Variants in OR3A2 observed in about 807,000 individuals in gnomAD.
OR3A2 encodes the protein olfactory receptor 3A2.
For synonymous variants in OR3A2, 126 were observed against 159.3 expected (o/e 0.79, Z 1.57); for missense variants, 318 against 392.8 (o/e 0.81, Z 1.61).
intron 2 of OR3A2, among the ~76,000 whole-genome samples, chr17:3,338,984 A>G (rs537104519): frequency 6.6e-6 from 1 of 152,042 alleles, no homozygotes; most frequent in East Asian, 1.9e-4. Flanking sequence ...GTCCTTCACA[A>G]CCTTTGTAAG....
intron 2 of OR3A2, chr17:3,377,485 T>A (rs1467023117): frequency 6.6e-6 from 1 of 152,226 alleles, no homozygotes; most frequent in Non-Finnish European, 1.5e-5. Flanking sequence ...TCACTGAGAC[T>A]GTAAGTGGAA....
chr17:3,287,735 G>A (rs910150164), upstream of OR3A2, among the ~76,000 whole-genome samples: 7 of 152,028 alleles, frequency 4.6e-5, no homozygotes, highest in South Asian at 6.2e-4. Flanking sequence ...TTCTCTTGGC[G>A]AGGCTTGAAC....
intron 3 of OR3A2, chr17:3,310,920 G>A (rs1230977997): frequency 3.1e-6 from 2 of 654,208 alleles, no homozygotes; most frequent in African/African-American, 1.9e-5. Flanking sequence ...GTTGCTGTTT[G>A]TAGCAGCAGC....
intron 3 of OR3A2, among the ~76,000 whole-genome samples, chr17:3,317,390 C>T (rs766903265): frequency 6.6e-6 from 1 of 152,164 alleles, no homozygotes; most frequent in Non-Finnish European, 1.5e-5. Context: ...AGGTAGTTGT[C>T]CAGGCCAGAA....
At chr17:3,329,016 T>C (rs1567556557) in intron 3 of OR3A2, among the ~76,000 whole-genome samples, 3 of 151,206 alleles carry the variant, frequency 2.0e-5, no homozygotes, top group Non-Finnish European at 4.4e-5. Context: ...ATTACATTTA[T>C]TGATTTGCGT....
intron 2 of OR3A2, among the ~76,000 whole-genome samples, chr17:3,341,753 C>A (rs1053390233): frequency 6.6e-6 from 1 of 152,122 alleles, no homozygotes; most frequent in Admixed American, 6.5e-5. Context: ...TGGAGTTGCT[C>A]TTCTGGAGGA....
At chr17:3,349,116 G>A (rs576313886) in intron 2 of OR3A2, among the ~76,000 whole-genome samples, 20 of 152,036 alleles carry the variant, frequency 1.3e-4, no homozygotes, top group Non-Finnish European at 2.4e-4. Flanking sequence ...GGAAGAAACC[G>A]CATCAACTAA....
chr17:3,345,960 C>A (rs181809507), intron 2 of OR3A2, among the ~76,000 whole-genome samples: 1 of 152,080 alleles, frequency 6.6e-6, no homozygotes, highest in Non-Finnish European at 1.5e-5. Flanking sequence ...GGAGAAGGGG[C>A]GTGTCAGTTT....
chr17:3,386,266 T>TACCTCCTGGCGGCCATGTCCTACG lies in OR3A2; in HGVS notation c.-440_-417dup. ...CGTGGCTCTGGGCATCACCGAGAGC[T>TACCTCCTGGCGGCCATGTCCTACG]ACCTCCTGGCGGCCATGTCCTACGA... On this transcript the variant is annotated 5_prime_UTR_variant, in exon 1 of 5. It adds an upstream start codon to the 5' untranslated region. Coordinates refer to the OR3A2 transcript ENST00000573491. 1 of 398,766 alleles carries TACCTCCTGGCGGCCATGTCCTACG rather than the reference T, an allele frequency of 2.5e-6. No homozygotes were observed. The highest frequency in any genetic ancestry group is 4.4e-6 in the Non-Finnish European group (1 of 226,182). The allele number at this position is 398,766 out of a possible 1,614,324, so 24.7% of individuals were successfully genotyped here. A position where few individuals can be genotyped will look rare whatever the true frequency, so the allele number is the denominator to read the frequency against.
intron 2 of OR3A2, among the ~76,000 whole-genome samples, chr17:3,345,912 T>A (rs2049360411): frequency 1.3e-5 from 2 of 152,160 alleles, no homozygotes; most frequent in South Asian, 4.1e-4. Context: ...CACTAAGATC[T>A]GACAGAAGAG....
At position 3,311,448 on chromosome 17, in the gene OR3A2, C is replaced by T. The variant is rs914426781; in HGVS notation, c.-85+24585G>A. The T allele has an allele frequency of 1.3e-5, 6 of 461,764 alleles. No individual in the cohort carries two copies. Among genetic ancestry groups the T allele is most frequent in the Non-Finnish European group, 4.5e-6 (1 of 223,892 alleles). The allele number at this position is 461,764 out of a possible 1,614,324, so 28.6% of individuals were successfully genotyped here. A position where few individuals can be genotyped will look rare whatever the true frequency, so the allele number is the denominator to read the frequency against. ...CCCTGGTGGGAATTTGCTGCACTGT[C>T]TCCTTCATCAATGCTCTGACTCACA... On this transcript the variant is annotated intron_variant, in intron 3 of 4. Coordinates refer to the OR3A2 transcript ENST00000573491. The surrounding 1 kb of genome is among the most constrained non-coding windows in gnomAD (Gnocchi z 4.6).
At chr17:3,276,548 T>C (rs2048736487), downstream of OR3A2, among the ~76,000 whole-genome samples, 1 of 152,204 alleles carries the variant, frequency 6.6e-6, no homozygotes, top group Non-Finnish European at 1.5e-5. Context: ...AAAATAAATA[T>C]ATTTACACTG....
intron 2 of OR3A2, among the ~76,000 whole-genome samples, chr17:3,359,354 T>C (rs1009760481): frequency 4.6e-5 from 7 of 151,716 alleles, no homozygotes; most frequent in African/African-American, 1.7e-4. Flanking sequence ...CTTTGTGTGG[T>C]TGTTTTACAG....
intron 1 of OR3A2, among the ~76,000 whole-genome samples, chr17:3,280,516 C>G (rs1252658028): frequency 1.3e-5 from 2 of 152,194 alleles, no homozygotes; most frequent in Admixed American, 1.3e-4. Context: ...TGGTGATCCG[C>G]CCGCCTCGGC....
At chr17:3,323,222 G>T (rs2049140309) in intron 3 of OR3A2, among the ~76,000 whole-genome samples, 1 of 152,112 alleles carries the variant, frequency 6.6e-6, no homozygotes, top group Non-Finnish European at 1.5e-5. Flanking sequence ...TTGCTTGGTA[G>T]ATCTTCCTCC....
At chr17:3,324,257 G>A (rs117748029) in intron 3 of OR3A2, among the ~76,000 whole-genome samples, 2,024 of 151,998 alleles carry the variant, frequency 0.013, 20 homozygotes, top group South Asian at 0.021. Flanking sequence ...TTATCCATTC[G>A]TCTTGATTTT....
chr17:3,383,573 T>C (rs2049756017), intron 2 of OR3A2, among the ~76,000 whole-genome samples: 1 of 152,098 alleles, frequency 6.6e-6, no homozygotes, highest in African/African-American at 2.4e-5. Flanking sequence ...TCACACAACC[T>C]GCCTAAGAGG....
intron 2 of OR3A2, among the ~76,000 whole-genome samples, chr17:3,338,485 C>T (rs1567560193): frequency 6.6e-6 from 1 of 152,194 alleles, no homozygotes; most frequent in South Asian, 2.1e-4. Flanking sequence ...CAGCTTTCTA[C>T]ATATGGCTAG....
chr17:3,371,430 C>G (rs1205701708), intron 2 of OR3A2, among the ~76,000 whole-genome samples: 1 of 143,184 alleles, frequency 7.0e-6, no homozygotes, highest in African/African-American at 2.5e-5. Context: ...GGCTGACCCC[C>G]CCACCTCCCT....
Sources: gnomAD v4.1 joint callset for allele counts (sites outside exome capture counted in the v4.1 genomes callset) on GRCh38, gnomAD v4.1.1 for gene constraint, Gnocchi (gnomAD v3.1) non-coding constraint, MANE v1.5 for transcripts, NCBI Gene and HGNC (gene_info 2026-07-23, HGNC 2026-07-21) for gene names.